The following CTR9 variants were observed in gnomAD, a reference collection of about 807,000 sequenced individuals.
The protein encoded by CTR9 is CTR9 component of Paf1/RNA polymerase II complex, also known as RNA polymerase-associated protein CTR9 homolog.
In CTR9, 41 loss-of-function variants were observed where a neutral mutation model predicts 152.1. The ratio of observed to expected loss-of-function variants is 0.27; its 90% CI spans 0.21 to 0.35. CTR9 has a LOEUF of 0.35. Among genes scored for constraint, CTR9 ranks in the 10% least tolerant of loss-of-function variants. CTR9 has a pLI of 1.00. For missense variants in CTR9, 917 were observed against 1,424.4 expected (o/e 0.64, Z 5.73); for synonymous variants, 476 against 496.2 (o/e 0.96, Z 0.54).
At chr11:10,755,899 T>C (rs945139143) in intron 4 of CTR9, 104 bp downstream of exon 4, 16 of 622,472 alleles carry the variant, frequency 2.6e-5, no homozygotes, top group Non-Finnish European at 5.8e-6. Flanking sequence ...GACAGCAAAG[T>C]AGAAGAGCTT....
rs906789169 is a variant in CTR9, at chr11:10,767,117, A to C, written c.1686+627A>C. The C allele has an allele frequency of 6.5e-6, 1 of 152,792 alleles. No homozygotes were observed. Among genetic ancestry groups the C allele is most frequent in the Non-Finnish European group, 1.5e-5 (1 of 68,174 alleles). 9.5% of individuals were successfully genotyped at this position (152,792 alleles called of 1,614,324 possible). ...ACAACTTACTAATGGGTATCAACTCAGTTTGAAAACCACTCATGTGGGGGT... is the reference window on the plus strand; with the variant it reads ...ACAACTTACTAATGGGTATCAACTCCGTTTGAAAACCACTCATGTGGGGGT... On this transcript the variant is annotated intron_variant, in intron 13 of 24. Transcript: ENST00000361367. The surrounding 1 kb of genome is among the most constrained non-coding windows in gnomAD (Gnocchi z 4.0).
chr11:10,775,449 A>G, intron 23 of CTR9, 72 bp from the exon 24 acceptor site: 1 of 1,423,250 alleles, frequency 7.0e-7, no homozygotes, highest in Non-Finnish European at 9.8e-7. Context: ...TATCATTGTA[A>G]TGCAAACCCA....
Position 10,764,628 on chromosome 11 carries a change from C to G in CTR9, c.1494C>G (p.Thr498=), listed in dbSNP as rs7118399. The change falls in exon 12 of 25, where the codon ACC becomes ACG. Residue 498 remains threonine, a synonymous_variant. Transcript: ENST00000361367. ...ATTACTATAACGCCATTTCCGTTAC[C>G]ACGTCATATAATCTCGCCAGGCTAT... ...DEHYYNAISV[T]TSYNLARLYE... The G allele has an allele frequency of 6.2e-6, 10 of 1,612,714 alleles. No homozygotes were observed. The highest frequency in any genetic ancestry group is 7.6e-6 in the Non-Finnish European group (9 of 1,179,150).
At chr11:10,765,824 A>G (rs932068517) in intron 12 of CTR9, among the ~76,000 whole-genome samples, 1 of 152,252 alleles carries the variant, frequency 6.6e-6, no homozygotes, top group Admixed American at 6.5e-5. Flanking sequence ...ATTTAAAATA[A>G]GCAAGATTTC....
intron 18 of CTR9, 140 bp downstream of exon 18, chr11:10,770,772 G>A (rs921674410): frequency 2.5e-6 from 2 of 799,906 alleles, no homozygotes; most frequent in East Asian, 2.8e-5. Flanking sequence ...CCTTCTAAAG[G>A]TGGTCTATTA....
intron 3 of CTR9, 135 bp downstream of exon 3, chr11:10,755,332 T>C (rs1685221413): frequency 9.2e-7 from 1 of 1,086,652 alleles, no homozygotes; most frequent in Non-Finnish European, 1.3e-6. Flanking sequence ...AGAAGAAAGG[T>C]TCCTCATTAA....
At chr11:10,778,190 GT>G (rs1229269336) in intron 24 of CTR9, among the ~76,000 whole-genome samples, 6 of 152,066 alleles carry the variant, frequency 3.9e-5, no homozygotes, top group Non-Finnish European at 8.8e-5. Context: ...CACTCTTCAG[GT>G]ACCTGTTAGC....
chr11:10,773,854 T>C lies in CTR9; in HGVS notation c.2728-158T>C, dbSNP rs1336694670. On this transcript the variant is annotated intron_variant, in intron 21 of 24. Coordinates refer to ENST00000361367, the MANE Select transcript of CTR9 (RefSeq NM_014633.5). ...GAGCCGAGATTGCCCCACTGCACTCTCGCCTGGGCAAAAGAGTGAGACTTC... is the reference window on the plus strand; with the variant it reads ...GAGCCGAGATTGCCCCACTGCACTCCCGCCTGGGCAAAAGAGTGAGACTTC... Among the ~76,000 whole-genome samples the C allele has an allele frequency of 2.8e-5, 4 of 143,104 alleles. No homozygotes were observed. The East Asian group carries it at 8.2e-4, about 29-fold the overall frequency. The allele number at this position is 143,104 out of a possible 152,430, so 93.9% of individuals were successfully genotyped here.
At position 10,774,138 on chromosome 11, in the gene CTR9, G is replaced by A. The variant is rs1590027366; in HGVS notation, c.2854G>A (p.Gly952Ser). 2.5e-6 allele frequency: 4 copies of A among 1,601,892 alleles called. No individual in the cohort carries two copies. The highest frequency in any genetic ancestry group is 1.3e-5 in the African/African-American group (1 of 74,588). Residue 952 changes from glycine (G) to serine (S), a missense_variant, in exon 22 of 25, where the codon GGT (glycine) becomes AGT (serine). Physicochemically the swap from Gly to Ser is moderately conservative, Grantham distance 56 (BLOSUM62 0). Transcript: ENST00000361367. ...GSEQEGEDEE[G>S]GERKKKKRRR... The stretch of plus-strand genomic sequence containing the variant: ...TGAACAAGAAGGTGAAGATGAGGAG[G>A]GTGGTGAGAGAAAGAAGAAAAAGAG...
At chr11:10,772,824 C>T (rs555027381) in intron 20 of CTR9, among the ~76,000 whole-genome samples, 169 bp downstream of exon 20, 17 of 151,962 alleles carry the variant, frequency 1.1e-4, no homozygotes, top group Admixed American at 1.3e-4. Flanking sequence ...GTCAGGAGTT[C>T]GAGACCAGCC....
At chr11:10,768,317 A>C in intron 15 of CTR9, 26 bp from the exon 16 acceptor site, 1 of 1,597,310 alleles carries the variant, frequency 6.3e-7, no homozygotes, top group Non-Finnish European at 8.5e-7. Context: ...GAAAATTGTT[A>C]AGTGTGAACC....
In CTR9 at chr11:10,773,191, T is replaced by C; in HGVS notation, c.2645T>C (p.Val882Ala). Reference protein sequence around the residue: ...KKLLEQRAQYVEKTKNILMFT... With the variant: ...KKLLEQRAQYAEKTKNILMFT... ...CTTTTGGAACAGCGGGCCCAGTATG[T>C]GGAGAAGACCAAAAATATTCTTATG... The change falls in exon 21 of 25, where the codon GTG (valine) becomes GCG (alanine). Residue 882 changes from valine to alanine, a missense_variant. By Grantham distance (64) the Val-to-Ala change is moderately conservative. Around this residue, in one of 9 missense-constraint regions of CTR9, gnomAD observed 384 missense variants for 398.4 expected, o/e 0.96. Transcript: ENST00000361367. 1 of 1,613,116 alleles carries C rather than the reference T, an allele frequency of 6.2e-7. No individual in the cohort carries two copies. The highest frequency in any genetic ancestry group is 8.5e-7 in the Non-Finnish European group (1 of 1,179,800).
intron 5 of CTR9, among the ~76,000 whole-genome samples, chr11:10,757,732 A>G (rs1862908475): frequency 6.6e-6 from 1 of 152,216 alleles, no homozygotes; most frequent in Non-Finnish European, 1.5e-5. Context: ...CAATTAACCA[A>G]AGAGACAAAA....
intron 2 of CTR9, among the ~76,000 whole-genome samples, chr11:10,753,989 T>G (rs1320410882): frequency 6.6e-6 from 1 of 152,174 alleles, no homozygotes; most frequent in Non-Finnish European, 1.5e-5. Context: ...AGAGAATATG[T>G]GTATGAAATT....
chr11:10,770,476 T>G lies in CTR9; in HGVS notation c.2227-11T>G. On this transcript the variant is annotated splice_polypyrimidine_tract_variant and intron_variant, in intron 17 of 24. Coordinates refer to ENST00000361367, the MANE Select transcript of CTR9 (RefSeq NM_014633.5). ...ATTTGAACATATGAAATATTTATTT[T>G]TTATTCACAGGCTAGACATGTGGCA... 6.2e-7 allele frequency: 1 copy of G among 1,604,982 alleles called. No homozygotes were observed. Among genetic ancestry groups the G allele is most frequent in the Non-Finnish European group, 8.5e-7 (1 of 1,176,952 alleles).
At chr11:10,775,140 G>T in intron 22 of CTR9, 67 bp from the exon 23 acceptor site, 1 of 1,268,468 alleles carries the variant, frequency 7.9e-7, no homozygotes, top group Non-Finnish European at 1.1e-6. Context: ...ATAATTTAAT[G>T]GCAAAGTAGT....
intron 2 of CTR9, among the ~76,000 whole-genome samples, chr11:10,754,752 T>G (rs1412132885): frequency 6.6e-6 from 1 of 152,254 alleles, no homozygotes; most frequent in African/African-American, 2.4e-5. Context: ...TGTTGTAGCA[T>G]GTATCAGTAG....
intron 11 of CTR9, 39 bp downstream of exon 11, chr11:10,764,475 C>G (rs752065397): frequency 1.7e-6 from 2 of 1,149,424 alleles, no homozygotes; most frequent in Admixed American, 2.8e-5. Flanking sequence ...TATACTGAAT[C>G]AAGTTGCATG....
Position 10,773,269 on chromosome 11 carries a change from G to A in CTR9, c.2723G>A (p.Gly908Glu), listed in dbSNP as rs1863173438. 1 of 1,611,456 alleles carries A rather than the reference G, an allele frequency of 6.2e-7. No homozygotes were observed. Among genetic ancestry groups the A allele is most frequent in the Non-Finnish European group, 8.5e-7 (1 of 1,179,418 alleles). ...GAGAAGAAAAGAGGTGGTGGTGGTG[G>A]ACGGGTAAGATATAATTCCTGCTAG... Reference protein sequence around the residue: ...TKEKKRGGGGGRRSKKGGEFD... With the variant: ...TKEKKRGGGGERRSKKGGEFD... The change falls in exon 21 of 25, where the codon GGA becomes GAA. Residue 908 changes from glycine to glutamate, a missense_variant. Gly to Glu is a moderately conservative substitution (Grantham distance 98). Around this residue, in one of 9 missense-constraint regions of CTR9, gnomAD observed 384 missense variants for 398.4 expected, o/e 0.96. Transcript: ENST00000361367.
Sources: allele counts gnomAD v4.1 joint callset (sites outside exome capture counted in the v4.1 genomes callset), GRCh38; gene constraint gnomAD v4.1.1; regional missense constraint gnomAD v4.1.1; non-coding constraint Gnocchi (gnomAD v3.1); transcripts MANE v1.5; gene names NCBI Gene and HGNC (gene_info 2026-07-23, HGNC 2026-07-21).